RPS6KC1: variants seen among roughly 807,000 people sequenced by gnomAD.
The protein encoded by RPS6KC1 is inactive ribosomal protein S6 kinase delta-1.
A neutral mutation model predicts 103.8 loss-of-function variants in RPS6KC1; 54 were observed. That is an observed-to-expected ratio of 0.52 (90% CI 0.42 to 0.65). The LOEUF is 0.65. RPS6KC1 is among the 30% of genes least tolerant of loss of function. RPS6KC1 has a pLI of 0.00. For missense variants in RPS6KC1, 1,151 were observed against 1,253.8 expected (o/e 0.92, Z 1.24); for synonymous variants, 439 against 438.7 (o/e 1.00, Z -0.01).
In RPS6KC1 at chr1:213,182,827, CTTATATATCATGAT is replaced by C. The variant is rs909679056; in HGVS notation, c.1044+6350_1044+6363del. On this transcript the variant is annotated intron_variant, in intron 8 of 14. Transcript: ENST00000366960. ...TATATCACATGTTTGAAGTGAGTTTCTTATATATCATGATTTATATATCATGATATATATGTATA... is the reference window on the plus strand; with the variant it reads ...TATATCACATGTTTGAAGTGAGTTTCTTATATATCATGATATATATGTATA... Among the ~76,000 whole-genome samples the C allele has an allele frequency of 5.5e-5, 8 of 146,370 alleles. No homozygotes were observed. In the South Asian group the frequency reaches 8.5e-4, roughly 15 times the overall value.
chr1:213,550,938 G>C, the RPS6KC1 span, among the ~76,000 whole-genome samples: 2 of 152,160 alleles, frequency 1.3e-5, no homozygotes, highest in Non-Finnish European at 2.9e-5. Flanking sequence ...CGGGTTTCCT[G>C]CTAGGTTAGA....
intron 8 of RPS6KC1, among the ~76,000 whole-genome samples, chr1:213,177,728 T>A (rs541432452): frequency 4.2e-4 from 64 of 152,234 alleles, no homozygotes; most frequent in African/African-American, 1.5e-3. Flanking sequence ...ATATAGTAAT[T>A]GAGTAGTTTC....
the RPS6KC1 span, among the ~76,000 whole-genome samples, chr1:213,592,945 C>A: frequency 6.6e-6 from 1 of 152,174 alleles, no homozygotes; most frequent in African/African-American, 2.4e-5. Context: ...GGAGCTGTGA[C>A]AGAGTGCAAG....
At chr1:213,816,044 G>A in the RPS6KC1 span, among the ~76,000 whole-genome samples, 16 of 152,258 alleles carry the variant, frequency 1.1e-4, no homozygotes, top group African/African-American at 2.9e-4. Context: ...GGAAACAGTC[G>A]GTTGGTGGAG....
At chr1:213,180,843 A>T (rs1415122306) in intron 8 of RPS6KC1, among the ~76,000 whole-genome samples, 1 of 152,030 alleles carries the variant, frequency 6.6e-6, no homozygotes, top group Non-Finnish European at 1.5e-5. Flanking sequence ...GGGTTAGAAG[A>T]GTCTAGATTG....
At chr1:213,156,047 TAATC>T (rs1409480524) in intron 6 of RPS6KC1, among the ~76,000 whole-genome samples, 2 of 152,192 alleles carry the variant, frequency 1.3e-5, no homozygotes, top group Non-Finnish European at 2.9e-5. Context: ...GAGGGAAAAT[TAATC>T]AATCTAATCC....
At chr1:213,831,175 T>TA in the RPS6KC1 span, among the ~76,000 whole-genome samples, 5 of 152,172 alleles carry the variant, frequency 3.3e-5, no homozygotes, top group African/African-American at 1.2e-4. Context: ...CACCCTGCTT[T>TA]AAAAAAATGT....
At chr1:213,772,346 G>A in the RPS6KC1 span, among the ~76,000 whole-genome samples, 1 of 152,120 alleles carries the variant, frequency 6.6e-6, no homozygotes, top group Non-Finnish European at 1.5e-5. Context: ...TCTTTGCGCA[G>A]GACACAATGG....
chr1:213,052,421 C>T (rs1409980399), intron 1 of RPS6KC1, among the ~76,000 whole-genome samples: 4 of 152,068 alleles, frequency 2.6e-5, no homozygotes, highest in African/African-American at 9.7e-5. Flanking sequence ...ACCAGTTTTG[C>T]CTAACTCCAA....
the RPS6KC1 span, among the ~76,000 whole-genome samples, chr1:213,716,242 G>A: frequency 6.6e-6 from 1 of 152,282 alleles, no homozygotes; most frequent in African/African-American, 2.4e-5. Context: ...CTACTCTGGT[G>A]CCATGGCTAT....
chr1:213,375,176 CAT>C, the RPS6KC1 span, among the ~76,000 whole-genome samples: 7 of 151,774 alleles, frequency 4.6e-5, no homozygotes, highest in Admixed American at 3.3e-4. Context: ...CACACATACA[CAT>C]ACACACATGT....
the RPS6KC1 span, among the ~76,000 whole-genome samples, chr1:213,739,242 A>AT: frequency 6.6e-6 from 1 of 152,312 alleles, no homozygotes; most frequent in African/African-American, 2.4e-5. Flanking sequence ...TTTCCTTATG[A>AT]TTTTTTAAAA....
the RPS6KC1 span, among the ~76,000 whole-genome samples, chr1:213,798,131 A>G: frequency 4.6e-5 from 7 of 152,352 alleles, no homozygotes; most frequent in South Asian, 4.1e-4. Flanking sequence ...CCAGGCTCCC[A>G]GTGCCTATCA....
the RPS6KC1 span, among the ~76,000 whole-genome samples, chr1:213,673,862 G>A: frequency 6.6e-6 from 1 of 151,870 alleles, no homozygotes; most frequent in East Asian, 1.9e-4. Context: ...TTTGATTCAG[G>A]GGGTACATGT....
At chr1:213,516,400 T>A in the RPS6KC1 span, among the ~76,000 whole-genome samples, 2 of 152,186 alleles carry the variant, frequency 1.3e-5, no homozygotes, top group Non-Finnish European at 2.9e-5. Context: ...TTGAGATACG[T>A]CCCATCAATA....
chr1:213,255,372 G>C (rs1167692115), intron 12 of RPS6KC1, among the ~76,000 whole-genome samples: 5 of 151,544 alleles, frequency 3.3e-5, no homozygotes, highest in Admixed American at 3.3e-4. Flanking sequence ...CTTGTTTCTA[G>C]AGATTTTTCA....
At chr1:213,655,416 C>T in the RPS6KC1 span, among the ~76,000 whole-genome samples, 1 of 152,202 alleles carries the variant, frequency 6.6e-6, no homozygotes. Flanking sequence ...GTATTCATTA[C>T]CTTGTGTTCG....
the RPS6KC1 span, among the ~76,000 whole-genome samples, chr1:213,788,877 G>T: frequency 6.8e-6 from 1 of 147,516 alleles, no homozygotes; most frequent in Admixed American, 6.8e-5. Flanking sequence ...AAGACATAGC[G>T]ACTAATTCCT....
At chr1:213,161,749 G>A (rs2090493338) in intron 6 of RPS6KC1, among the ~76,000 whole-genome samples, 1 of 152,178 alleles carries the variant, frequency 6.6e-6, no homozygotes. Flanking sequence ...TTTTATGGTA[G>A]AGATGCATTA....
Sources: gnomAD v4.1 joint callset for allele counts (sites outside exome capture counted in the v4.1 genomes callset) on GRCh38, gnomAD v4.1.1 for gene constraint, MANE v1.5 for transcripts, NCBI Gene and HGNC (gene_info 2026-07-23, HGNC 2026-07-21) for gene names.